Variants in MACROH2A2 observed in about 807,000 individuals in gnomAD.
The protein encoded by MACROH2A2 is core histone macro-H2A.2.
In MACROH2A2, 6 loss-of-function variants were observed where a neutral mutation model predicts 37.6. The observed-to-expected ratio is 0.16, with a 90% CI of 0.09 to 0.32. MACROH2A2 has a LOEUF of 0.32. Ranked by LOEUF, MACROH2A2 falls within the 10% of genes least tolerant of loss-of-function variation. The pLI, the probability that MACROH2A2 is intolerant of heterozygous loss-of-function variation, is 1.00. For synonymous variants in MACROH2A2, 192 were observed against 202.7 expected (o/e 0.95, Z 0.45); for missense variants, 290 against 485.9 (o/e 0.60, Z 3.79).
At chr10:70,109,275 AC>A in intron 8 of MACROH2A2, 68 bp downstream of exon 8, 1 of 1,342,304 alleles carries the variant, frequency 7.4e-7, no homozygotes, top group Non-Finnish European at 1.1e-6. Context: ...TCCCCCACTT[AC>A]ATCTGATCTG....
intron 7 of MACROH2A2, among the ~76,000 whole-genome samples, chr10:70,106,416 T>C (rs1209377850): frequency 6.6e-6 from 1 of 152,228 alleles, no homozygotes; most frequent in Non-Finnish European, 1.5e-5. Context: ...GAACATACTT[T>C]GTTTTGGACT....
At chr10:70,095,549 T>C (rs76456697) in intron 5 of MACROH2A2, 105 bp from the exon 6 acceptor site, 22,711 of 649,056 alleles carry the variant, frequency 0.035, 1,481 homozygotes, top group East Asian at 0.21. Flanking sequence ...TATGTTGACA[T>C]TGGGTATGAA....
chr10:70,079,565 G>GCGCACA (rs1386558755), intron 2 of MACROH2A2, among the ~76,000 whole-genome samples: 4,040 of 126,176 alleles, frequency 0.032, 117 homozygotes, highest in East Asian at 0.049. Context: ...GCGCGCGCGC[G>GCGCACA]CACACACACA....
intron 1 of MACROH2A2, among the ~76,000 whole-genome samples, chr10:70,068,068 CTG>C (rs756002432): frequency 1.1e-4 from 16 of 151,850 alleles, no homozygotes; most frequent in Non-Finnish European, 2.1e-4. Flanking sequence ...GAGTGAGAAA[CTG>C]TTGCTCTTCA....
At position 70,055,352 on chromosome 10, in the gene MACROH2A2, A is replaced by G. The variant is rs79402910; in HGVS notation, c.-60+2352A>G. 5.3e-3 allele frequency among the ~76,000 whole-genome samples: 807 copies of G among 152,326 alleles called. 7 individuals are homozygous for G. Among genetic ancestry groups the G allele is most frequent in the African/African-American group, 0.019 (771 of 41,574 alleles). On this transcript the variant is annotated intron_variant, in intron 1 of 8. Transcript: ENST00000373255. ...GTATATTGCACAGAGATTAACAAAG[A>G]ACTTGTGGTTAGAGATCATTCAACA... is the stretch of plus-strand genomic sequence containing the variant.
intron 1 of MACROH2A2, among the ~76,000 whole-genome samples, chr10:70,057,907 T>C (rs1159780124): frequency 6.6e-6 from 1 of 152,036 alleles, no homozygotes; most frequent in Non-Finnish European, 1.5e-5. Flanking sequence ...AACGAAATGG[T>C]GGGGGGATGG....
Position 70,075,572 on chromosome 10 carries a change from C to T in MACROH2A2, c.-59-28C>T. 1 of 1,340,764 alleles carries T rather than the reference C, an allele frequency of 7.5e-7. No homozygotes were observed. Among genetic ancestry groups the T allele is most frequent in the Non-Finnish European group, 1.1e-6 (1 of 946,790 alleles). The allele number at this position is 1,340,764 out of a possible 1,614,324, so 83.1% of individuals were successfully genotyped here. On this transcript the variant is annotated intron_variant, in intron 1 of 8. Transcript: ENST00000373255. The surrounding 1 kb of genome is among the most constrained non-coding windows in gnomAD (Gnocchi z 5.0). ...CCCAAGATGTTTGCCAACTACCCTT[C>T]CTCAACTCTGTCTTCTTTCCTTTTT...
At chr10:70,091,620 G>C in intron 3 of MACROH2A2, 137 bp from the exon 4 acceptor site, 1 of 618,328 alleles carries the variant, frequency 1.6e-6, no homozygotes, top group South Asian at 2.0e-5. Flanking sequence ...GCTGCAGTGA[G>C]CCAAGATCGC....
chr10:70,063,913 C>G (rs1160011028), intron 1 of MACROH2A2, among the ~76,000 whole-genome samples: 2 of 152,202 alleles, frequency 1.3e-5, no homozygotes, highest in Admixed American at 6.6e-5. Context: ...GGAACTGCGG[C>G]GAAGGTGGGG....
At chr10:70,087,236 CTT>C (rs573916118) in intron 2 of MACROH2A2, among the ~76,000 whole-genome samples, 51 of 138,694 alleles carry the variant, frequency 3.7e-4, no homozygotes, top group Admixed American at 5.8e-4. Flanking sequence ...TTTCTTTCTT[CTT>C]TTTTTTTTTT....
chr10:70,088,717 G>A (rs191125302), intron 2 of MACROH2A2, among the ~76,000 whole-genome samples: 13 of 152,246 alleles, frequency 8.5e-5, no homozygotes, highest in East Asian at 1.9e-4. Context: ...TTCACTTTTC[G>A]GGTTAACCAT....
intron 7 of MACROH2A2, among the ~76,000 whole-genome samples, chr10:70,103,237 A>G (rs746276524): frequency 2.0e-5 from 3 of 152,138 alleles, no homozygotes; most frequent in Non-Finnish European, 4.4e-5. Context: ...CCAAGCCCCA[A>G]CTCAGTCATC....
chr10:70,091,777 C>A lies in MACROH2A2; in HGVS notation c.300C>A (p.Ile100=). The part of the protein sequence containing the change: ...ELNQLLKGVT[I]ASGGVLPRIH... ...TTCAGCTGCTAAAAGGAGTGACCAT[C>A]GCCAGTGGAGGCGTCCTGCCCAGAA... The change falls in exon 4 of 9, where the codon ATC becomes ATA. Residue 100 remains isoleucine, a synonymous_variant. Transcript: ENST00000373255. The A allele has an allele frequency of 6.2e-7, 1 of 1,613,730 alleles. No homozygotes were observed. The highest frequency in any genetic ancestry group is 8.5e-7 in the Non-Finnish European group (1 of 1,179,774).
intron 1 of MACROH2A2, among the ~76,000 whole-genome samples, chr10:70,074,474 A>G (rs1416637608): frequency 6.6e-6 from 1 of 152,210 alleles, no homozygotes; most frequent in Admixed American, 6.5e-5. Flanking sequence ...AGGATTTAGA[A>G]AAGTGTCTAA....
In MACROH2A2 at chr10:70,091,745, TTC is replaced by T; in HGVS notation, c.280-6_280-5del. The T allele has an allele frequency of 6.2e-7, 1 of 1,605,552 alleles. No individual in the cohort carries two copies. Among genetic ancestry groups the T allele is most frequent in the Middle Eastern group, 1.7e-4 (1 of 6,040 alleles). Reference sequence around the variant, plus strand: ...CTGTTTGCTACATGAGCGCATGCATTTCTCTCTTCAGCTGCTAAAAGGAGTGA... The same window carrying T: ...CTGTTTGCTACATGAGCGCATGCATTTCTCTTCAGCTGCTAAAAGGAGTGA... On this transcript the variant is annotated splice_polypyrimidine_tract_variant and intron_variant, in intron 3 of 8. Coordinates refer to ENST00000373255, the MANE Select transcript of MACROH2A2 (RefSeq NM_018649.3).
At position 70,109,501 on chromosome 10, in the gene MACROH2A2, G is replaced by A. The variant is rs867199324; in HGVS notation, c.953+294G>A. Reference sequence around the variant, plus strand: ...GAGGAGCGGGAGGCAGAGGCCAGCTGGTGTGTTATTTTTTGAGAGCCTTCC... The same window carrying A: ...GAGGAGCGGGAGGCAGAGGCCAGCTAGTGTGTTATTTTTTGAGAGCCTTCC... On this transcript the variant is annotated intron_variant, in intron 8 of 8. Transcript: ENST00000373255. Among the ~76,000 whole-genome samples, 126 of 152,318 alleles carry A rather than the reference G, an allele frequency of 8.3e-4. 1 individual carries two copies. The highest frequency in any genetic ancestry group is 2.8e-3 in the African/African-American group (115 of 41,568).
chr10:70,055,851 G>C (rs996676286), intron 1 of MACROH2A2, among the ~76,000 whole-genome samples: 3 of 152,116 alleles, frequency 2.0e-5, no homozygotes, highest in Non-Finnish European at 4.4e-5. Flanking sequence ...TGCAATTTTG[G>C]TCATTCTGAA....
At chr10:70,060,175 G>A (rs1413520656) in intron 1 of MACROH2A2, among the ~76,000 whole-genome samples, 1 of 151,978 alleles carries the variant, frequency 6.6e-6, no homozygotes, top group East Asian at 1.9e-4. Flanking sequence ...TTGGAGACCA[G>A]TCTGGCCCAC....
intron 2 of MACROH2A2, among the ~76,000 whole-genome samples, chr10:70,080,885 CAAAAAAAAAAAAA>C (rs149608498): frequency 2.2e-4 from 7 of 31,978 alleles, no homozygotes; most frequent in South Asian, 2.5e-3. Flanking sequence ...AACTCCATCT[CAAAAAAAAAAAAA>C]AAAAAAAAAA....
Sources: gnomAD v4.1 joint callset for allele counts (sites outside exome capture counted in the v4.1 genomes callset) on GRCh38, gnomAD v4.1.1 for gene constraint, Gnocchi (gnomAD v3.1) non-coding constraint, MANE v1.5 for transcripts, NCBI Gene and HGNC (gene_info 2026-07-23, HGNC 2026-07-21) for gene names.